ANKS1B: variants seen among roughly 807,000 people sequenced by gnomAD.
ANKS1B encodes ankyrin repeat and sterile alpha motif domain containing 1B.
In ANKS1B, 36 loss-of-function variants were observed where a neutral mutation model predicts 148.3. The ratio of observed to expected loss-of-function variants is 0.24; its 90% CI spans 0.19 to 0.32. The LOEUF (loss-of-function observed/expected upper bound fraction) is 0.32, where lower values mean the gene tolerates loss of function less well. Ranked by LOEUF, ANKS1B falls within the 10% of genes least tolerant of loss-of-function variation. The pLI, the probability that ANKS1B is intolerant of heterozygous loss-of-function variation, is 1.00. For missense variants in ANKS1B, 1,157 were observed against 1,542.6 expected (o/e 0.75, Z 4.19); for synonymous variants, 542 against 560.8 (o/e 0.97, Z 0.47).
chr12:99,089,196 G>A (rs183595912), intron 15 of ANKS1B, among the ~76,000 whole-genome samples: 5 of 150,646 alleles, frequency 3.3e-5, no homozygotes, highest in Admixed American at 3.3e-4. Context: ...TAACTTTTAG[G>A]TCAATGATTT....
At chr12:99,190,369 G>T (rs760365408) in intron 14 of ANKS1B, among the ~76,000 whole-genome samples, 27 of 152,078 alleles carry the variant, frequency 1.8e-4, no homozygotes, top group Admixed American at 4.6e-4. Flanking sequence ...AACCAAAAAA[G>T]AGCCCATATA....
chr12:99,911,836 A>C (rs976478773), intron 1 of ANKS1B, among the ~76,000 whole-genome samples: 3 of 152,326 alleles, frequency 2.0e-5, no homozygotes, highest in South Asian at 4.1e-4. Flanking sequence ...TGTAAAAGAT[A>C]AGGGTTCCCT....
intron 12 of ANKS1B, among the ~76,000 whole-genome samples, chr12:99,275,875 C>T (rs2077609496): frequency 6.6e-6 from 1 of 152,158 alleles, no homozygotes; most frequent in African/African-American, 2.4e-5. Flanking sequence ...GATAGCTAAC[C>T]TGCTAAATTC....
At chr12:99,775,129 A>G (rs993941704) in intron 7 of ANKS1B, among the ~76,000 whole-genome samples, 1 of 152,120 alleles carries the variant, frequency 6.6e-6, no homozygotes, top group Non-Finnish European at 1.5e-5. Flanking sequence ...AAACTTGCTA[A>G]GAGAGTTGAT....
intron 2 of ANKS1B, among the ~76,000 whole-genome samples, chr12:99,818,191 C>A (rs1034798062): frequency 2.6e-5 from 4 of 151,722 alleles, no homozygotes; most frequent in African/African-American, 9.7e-5. Context: ...TTACATCAAG[C>A]TTAAAAGCTT....
At chr12:98,811,281 T>C (rs1423660374) in intron 19 of ANKS1B, among the ~76,000 whole-genome samples, 5 of 152,138 alleles carry the variant, frequency 3.3e-5, no homozygotes, top group South Asian at 4.1e-4. Flanking sequence ...CTAGGACACA[T>C]GCATGCCCCC....
In ANKS1B at chr12:98,815,230, T is replaced by C. The variant is rs73149058; in HGVS notation, c.3067-7312A>G. ...CATCACCCTCGGTTTCCTGCTCAAT[T>C]ACTCTAATCTTCTTTAAGCAAAACT... On this transcript the variant is annotated intron_variant, in intron 19 of 26. Transcript: ENST00000683438. 6.9e-3 allele frequency among the ~76,000 whole-genome samples: 1,046 copies of C among 152,292 alleles called. 3 individuals are homozygous for C. The highest frequency in any genetic ancestry group is 0.01 in the Non-Finnish European group (681 of 68,022).
At chr12:99,977,938 T>A (rs138679121) in intron 1 of ANKS1B, among the ~76,000 whole-genome samples, 1 of 152,336 alleles carries the variant, frequency 6.6e-6, no homozygotes, top group East Asian at 1.9e-4. Context: ...CACTCTAAAA[T>A]GCATTAAGTG....
At chr12:99,982,302 G>C (rs1172650216) in intron 1 of ANKS1B, among the ~76,000 whole-genome samples, 1 of 147,228 alleles carries the variant, frequency 6.8e-6, no homozygotes, top group Non-Finnish European at 1.5e-5. Context: ...AATACTTGGT[G>C]TTTTATCCCT....
chr12:99,176,732 T>C (rs531146752), intron 14 of ANKS1B, among the ~76,000 whole-genome samples: 1 of 152,100 alleles, frequency 6.6e-6, no homozygotes, highest in Admixed American at 6.6e-5. Flanking sequence ...TTAAAAAGTG[T>C]CTGGCACCTC....
intron 1 of ANKS1B, among the ~76,000 whole-genome samples, chr12:99,928,848 G>A (rs564198065): frequency 3.3e-5 from 5 of 152,050 alleles, no homozygotes; most frequent in Admixed American, 1.3e-4. Flanking sequence ...TACCAACTAC[G>A]AAAGGGAATC....
intron 9 of ANKS1B, among the ~76,000 whole-genome samples, chr12:99,602,104 G>A (rs1387691948): frequency 2.0e-5 from 3 of 152,042 alleles, no homozygotes; most frequent in Admixed American, 6.6e-5. Context: ...GAGAAGGTCA[G>A]AAAGATCTTG....
At chr12:99,624,773 T>C (rs551627464) in intron 9 of ANKS1B, among the ~76,000 whole-genome samples, 33 of 152,172 alleles carry the variant, frequency 2.2e-4, no homozygotes, top group Non-Finnish European at 4.1e-4. Context: ...GGCTGAGGAA[T>C]AAAGGGAATG....
At chr12:99,377,749 T>TA (rs1341734351) in intron 12 of ANKS1B, among the ~76,000 whole-genome samples, 4 of 152,242 alleles carry the variant, frequency 2.6e-5, no homozygotes, top group Admixed American at 2.0e-4. Context: ...TTAATCACGT[T>TA]AGTGTTTTTT....
intron 10 of ANKS1B, among the ~76,000 whole-genome samples, chr12:99,464,103 G>T (rs1595313084): frequency 6.6e-6 from 1 of 152,144 alleles, no homozygotes; most frequent in Admixed American, 6.5e-5. Context: ...ACTTCCAGAG[G>T]AACGATCAGA....
chr12:99,163,639 T>C (rs554109396), intron 14 of ANKS1B, among the ~76,000 whole-genome samples: 1 of 152,288 alleles, frequency 6.6e-6, no homozygotes, highest in Admixed American at 6.5e-5. Flanking sequence ...CTTTCCCATT[T>C]TTTGACCCCT....
At chr12:99,773,897 T>G (rs1009551942) in intron 7 of ANKS1B, among the ~76,000 whole-genome samples, 3 of 152,066 alleles carry the variant, frequency 2.0e-5, no homozygotes, top group Non-Finnish European at 4.4e-5. Context: ...GAACACAAAA[T>G]GTGGAAAAGA....
intron 1 of ANKS1B, among the ~76,000 whole-genome samples, chr12:99,899,551 G>A (rs1033750230): frequency 6.6e-6 from 1 of 152,000 alleles, no homozygotes; most frequent in African/African-American, 2.4e-5. Flanking sequence ...ATTAGCAATA[G>A]TATTCATTTT....
chr12:99,463,695 A>G (rs11109855), intron 10 of ANKS1B, among the ~76,000 whole-genome samples: 9 of 152,120 alleles, frequency 5.9e-5, no homozygotes, highest in Admixed American at 2.6e-4. Context: ...TTGCTAGCAC[A>G]GCAGTCTGAG....
Sources: gnomAD v4.1 joint callset for allele counts (sites outside exome capture counted in the v4.1 genomes callset) on GRCh38, gnomAD v4.1.1 for gene constraint, MANE v1.5 for transcripts, NCBI Gene and HGNC (gene_info 2026-07-23, HGNC 2026-07-21) for gene names.